MMP20: variants seen among roughly 807,000 people sequenced by gnomAD.
MMP20 encodes matrix metallopeptidase 20, also known as matrix metalloproteinase-20.
Under a neutral mutation model 51.8 loss-of-function variants are expected in MMP20, and 50 were observed. The observed-to-expected ratio is 0.97, with a 90% CI of 0.77 to 1.22. The LOEUF is 1.22. MMP20 is among the 50% of genes most tolerant of loss of function. The pLI, the probability that MMP20 is intolerant of heterozygous loss-of-function variation, is 0.00. For missense variants in MMP20, 663 were observed against 601.4 expected, an observed-to-expected ratio of 1.10 and a Z score of -1.07; for synonymous variants, 244 against 216.2, an observed-to-expected ratio of 1.13 and a Z score of -1.13.
chr11:102,611,699 C>T lies in MMP20; in HGVS notation c.523+56G>A. ...ACTCGAATTAAAGATGTAGAAGGAA[C>T]AGTATTGGGACAACTCTCCTTTGAA... On this transcript the variant is annotated intron_variant, in intron 3 of 9. Transcript: ENST00000260228. The T allele has an allele frequency of 1.9e-6, 3 of 1,591,476 alleles. No individual in the cohort carries two copies. In the East Asian group the frequency reaches 6.7e-5, roughly 36 times the overall value.
At chr11:102,589,214 T>G (rs2074861090) in intron 8 of MMP20, among the ~76,000 whole-genome samples, 1 of 152,140 alleles carries the variant, frequency 6.6e-6, no homozygotes, top group Admixed American at 6.5e-5. Context: ...CATCAGTAAA[T>G]TTGCTTCAAC....
intron 8 of MMP20, among the ~76,000 whole-genome samples, chr11:102,580,718 A>G (rs1369904797): frequency 6.6e-6 from 1 of 152,200 alleles, no homozygotes; most frequent in East Asian, 1.9e-4. Flanking sequence ...TCATTTTACT[A>G]AGTAAGAACA....
At chr11:102,611,138 C>T (rs1418311914) in intron 3 of MMP20, among the ~76,000 whole-genome samples, 1 of 152,148 alleles carries the variant, frequency 6.6e-6, no homozygotes, top group Non-Finnish European at 1.5e-5. Flanking sequence ...CCCCCAGTGA[C>T]ATCAGATTAA....
At chr11:102,595,530 T>G (rs531196904) in intron 6 of MMP20, among the ~76,000 whole-genome samples, 3 of 152,324 alleles carry the variant, frequency 2.0e-5, no homozygotes, top group African/African-American at 7.2e-5. Flanking sequence ...AGTATGTAAA[T>G]GAACCAGAAG....
intron 9 of MMP20, 26 bp from the exon 10 acceptor site, chr11:102,577,452 G>A: frequency 2.0e-6 from 3 of 1,500,650 alleles, no homozygotes; most frequent in Non-Finnish European, 2.8e-6. Context: ...TTGAAATTGG[G>A]TTACTGAAGA....
intron 6 of MMP20, among the ~76,000 whole-genome samples, chr11:102,594,983 G>C (rs568741147): frequency 1.5e-4 from 23 of 150,238 alleles, no homozygotes; most frequent in African/African-American, 5.4e-4. Context: ...TTGGCTCACT[G>C]CAACCTCGGC....
chr11:102,593,320 G>C, intron 8 of MMP20, 119 bp downstream of exon 8: 1 of 979,434 alleles, frequency 1.0e-6, no homozygotes, highest in Non-Finnish European at 1.5e-6. Context: ...CCCAGTGGCC[G>C]AGAAGAGTCA....
rs61753771 is a variant in MMP20, at chr11:102,611,895, T to G, written c.383A>C (p.Lys128Thr). Residue 128 changes from lysine (K) to threonine (T), a missense_variant, in exon 3 of 10, where the codon AAA becomes ACA. Physicochemically the swap from Lys to Thr is moderately conservative, Grantham distance 78. Transcript: ENST00000260228. ...GACAGAACTCATGGAAGGTGTGTAT[T>G]TAGATATTCTGTGAAAACGGAAGGA... ...KKNTLTYRIS[K>T]YTPSMSSVEV... is the part of the protein sequence containing the mutation. The G allele has an allele frequency of 9.1e-4, 1,473 of 1,614,216 alleles. 6 individuals are homozygous for G. Among genetic ancestry groups the G allele is most frequent in the Middle Eastern group, 7.6e-3 (46 of 6,062 alleles).
intron 1 of MMP20, among the ~76,000 whole-genome samples, chr11:102,622,023 A>C (rs1176285011): frequency 3.7e-5 from 3 of 81,204 alleles, no homozygotes; most frequent in Non-Finnish European, 8.7e-5. Flanking sequence ...ACAAACAAAC[A>C]AACCCAGAAT....
Position 102,578,737 on chromosome 11 carries a change from AAAAAACAAAAAAC to A in MMP20, c.1351+289_1351+301del, listed in dbSNP as rs897362168. On this transcript the variant is annotated intron_variant, in intron 9 of 9. Transcript: ENST00000260228. ...GCCACAGAGCGAGACTCCGTCTCAA[AAAAAACAAAAAAC>A]AAAAAACAAAAAACAAAAACAAAAA... 7.7e-3 allele frequency among the ~76,000 whole-genome samples: 7 copies of A among 908 alleles called. No homozygotes were observed. The Non-Finnish European group carries it at 0.083, about 11-fold the overall frequency. The allele number at this position is 908 out of a possible 152,430, so 0.6% of individuals were successfully genotyped here.
intron 6 of MMP20, among the ~76,000 whole-genome samples, chr11:102,597,893 G>A (rs1424922303): frequency 2.0e-5 from 3 of 151,958 alleles, no homozygotes; most frequent in Admixed American, 6.6e-5. Context: ...TCAGCCTCCC[G>A]AGTAGCTGGG....
chr11:102,606,476 C>A (rs924552952), intron 6 of MMP20, 59 bp downstream of exon 6: 1 of 1,609,330 alleles, frequency 6.2e-7, no homozygotes, highest in Non-Finnish European at 8.5e-7. Flanking sequence ...TGTGGGACGA[C>A]GTTTGTCTGG....
intron 9 of MMP20, among the ~76,000 whole-genome samples, chr11:102,578,750 CA>C (rs199585576): frequency 1.6e-4 from 13 of 81,910 alleles, no homozygotes; most frequent in Admixed American, 3.9e-4. Context: ...AAACAAAAAA[CA>C]AAAAACAAAA....
chr11:102,595,645 T>G (rs1859372893), intron 6 of MMP20, among the ~76,000 whole-genome samples: 1 of 152,212 alleles, frequency 6.6e-6, no homozygotes, highest in African/African-American at 2.4e-5. Context: ...AGCATTTACA[T>G]CTTTGAGTCT....
chr11:102,615,621 C>T lies in MMP20; in HGVS notation c.374+1191G>A, dbSNP rs17174340. Among the ~76,000 whole-genome samples, 1,277 of 152,300 alleles carry T rather than the reference C, an allele frequency of 8.4e-3. 7 individuals carry two copies. The highest frequency in any genetic ancestry group is 0.022 in the South Asian group (104 of 4,824). Reference sequence around the variant, plus strand: ...ATAAAGTCCAAACTCCTTGACATCACGCTCTAGTTGCCCTTCAGGCTGCCC... The same window carrying T: ...ATAAAGTCCAAACTCCTTGACATCATGCTCTAGTTGCCCTTCAGGCTGCCC... On this transcript the variant is annotated intron_variant, in intron 2 of 9. Transcript: ENST00000260228.
At chr11:102,588,952 G>A (rs552880832) in intron 8 of MMP20, among the ~76,000 whole-genome samples, 9 of 151,908 alleles carry the variant, frequency 5.9e-5, no homozygotes, top group South Asian at 2.1e-4. Flanking sequence ...TTCAAGTCTC[G>A]TTTCCCTCTA....
At chr11:102,613,281 C>A (rs1859626640) in intron 2 of MMP20, among the ~76,000 whole-genome samples, 3 of 152,142 alleles carry the variant, frequency 2.0e-5, no homozygotes, top group Admixed American at 2.0e-4. Context: ...GCAACTTCTA[C>A]CCGAGACCTT....
Position 102,579,082 on chromosome 11 carries a change from A to T in MMP20, c.1308T>A (p.Phe436Leu). The change falls in exon 9 of 10, where the codon TTT becomes TTA. Residue 436 changes from phenylalanine (F) to leucine (L), a missense_variant. Transcript: ENST00000260228. ...CATCGATTTGGCCATTTACTCCTGA[A>T]AATTCTTCTTCAGTATTCTTTGGAT... Reference protein sequence around the residue: ...KDYPKNTEEEFSGVNGQIDAA... With the variant: ...KDYPKNTEEELSGVNGQIDAA... 1 of 1,613,906 alleles carries T rather than the reference A, an allele frequency of 6.2e-7. No individual in the cohort carries two copies. The highest frequency in any genetic ancestry group is 8.5e-7 in the Non-Finnish European group (1 of 1,179,842).
At chr11:102,600,733 C>G (rs1859435457) in intron 6 of MMP20, among the ~76,000 whole-genome samples, 1 of 152,116 alleles carries the variant, frequency 6.6e-6, no homozygotes, top group African/African-American at 2.4e-5. Context: ...GTGATCCACT[C>G]GCCGCCTCTC....
Sources: gnomAD v4.1 joint callset for allele counts (sites outside exome capture counted in the v4.1 genomes callset) on GRCh38, gnomAD v4.1.1 for gene constraint, MANE v1.5 for transcripts, NCBI Gene and HGNC (gene_info 2026-07-23, HGNC 2026-07-21) for gene names.